CDH12: variants seen among roughly 807,000 people sequenced by gnomAD.
The protein encoded by CDH12 is cadherin-12.
A neutral mutation model predicts 74.1 loss-of-function variants in CDH12; 41 were observed. That is an observed-to-expected ratio of 0.55 (90% CI 0.43 to 0.72). The LOEUF is 0.72. CDH12 is among the 30% of genes least tolerant of loss of function. CDH12 has a pLI of 0.00. For synonymous variants in CDH12, 399 were observed against 355.0 expected (o/e 1.12, Z -1.39); for missense variants, 945 against 977.2 (o/e 0.97, Z 0.44).
intron 6 of CDH12, chr5:21,882,491 A>G (rs1198280389): frequency 4.2e-6 from 3 of 709,918 alleles, no homozygotes; most frequent in Non-Finnish European, 7.6e-6. Context: ...TGCCACATTT[A>G]TTTGCTTTTT....
chr5:22,004,409 G>A (rs938450554), intron 5 of CDH12, among the ~76,000 whole-genome samples: 5 of 151,980 alleles, frequency 3.3e-5, no homozygotes, highest in Non-Finnish European at 7.4e-5. Flanking sequence ...TAAATCCTTG[G>A]AGTGGCCTTC....
At chr5:22,373,848 G>A (rs893253645) in intron 3 of CDH12, among the ~76,000 whole-genome samples, 3 of 152,116 alleles carry the variant, frequency 2.0e-5, no homozygotes, top group African/African-American at 7.2e-5. Context: ...CAACAGATGT[G>A]CAGACATCAA....
chr5:22,044,700 C>G (rs1280271299), intron 5 of CDH12, among the ~76,000 whole-genome samples: 2 of 152,144 alleles, frequency 1.3e-5, no homozygotes, highest in East Asian at 3.8e-4. Flanking sequence ...GCCAAAAACA[C>G]ACATTGCAGA....
intron 4 of CDH12, among the ~76,000 whole-genome samples, chr5:22,135,609 T>C (rs1426898564): frequency 2.0e-5 from 3 of 152,022 alleles, no homozygotes; most frequent in Admixed American, 2.0e-4. Flanking sequence ...TCAGGGCATA[T>C]ATTCAGACCG....
intron 3 of CDH12, among the ~76,000 whole-genome samples, chr5:22,269,324 A>T (rs1410506965): frequency 6.6e-6 from 1 of 152,140 alleles, no homozygotes; most frequent in Non-Finnish European, 1.5e-5. Flanking sequence ...ATCCATTGTT[A>T]TCAGTAGCTA....
At chr5:22,020,747 C>A (rs909341678) in intron 5 of CDH12, among the ~76,000 whole-genome samples, 1 of 152,026 alleles carries the variant, frequency 6.6e-6, no homozygotes, top group African/African-American at 2.4e-5. Context: ...ATTGAGTTAT[C>A]CCCCCTCTCA....
chr5:22,532,665 T>C (rs1413060668), intron 1 of CDH12, among the ~76,000 whole-genome samples: 3 of 151,826 alleles, frequency 2.0e-5, no homozygotes, highest in African/African-American at 7.3e-5. Context: ...CTTAACTTTT[T>C]TGATGACTTT....
intron 2 of CDH12, among the ~76,000 whole-genome samples, chr5:22,449,783 G>A (rs1458745933): frequency 1.3e-5 from 2 of 151,916 alleles, no homozygotes; most frequent in Non-Finnish European, 2.9e-5. Flanking sequence ...TAGACAATAT[G>A]GAATATAAAT....
At chr5:22,623,927 A>T (rs1382420010) in intron 1 of CDH12, among the ~76,000 whole-genome samples, 2 of 152,240 alleles carry the variant, frequency 1.3e-5, no homozygotes, top group East Asian at 3.9e-4. Flanking sequence ...CTACAAGGCT[A>T]CAGTAAACAA....
At chr5:22,444,379 T>A (rs1744739237) in intron 2 of CDH12, among the ~76,000 whole-genome samples, 1 of 152,110 alleles carries the variant, frequency 6.6e-6, no homozygotes, top group Non-Finnish European at 1.5e-5. Flanking sequence ...TGTAGTTGTC[T>A]AATTAAGCTA....
chr5:22,003,695 G>A (rs1214406229), intron 5 of CDH12, among the ~76,000 whole-genome samples: 1 of 151,842 alleles, frequency 6.6e-6, no homozygotes, highest in Non-Finnish European at 1.5e-5. Flanking sequence ...AGAAAGTGGA[G>A]AAAAAGCACA....
chr5:21,889,915 C>A (rs1752820537), intron 6 of CDH12: 1 of 874,594 alleles, frequency 1.1e-6, no homozygotes, highest in Non-Finnish European at 1.4e-6. Flanking sequence ...CAATGTTTGA[C>A]TTTTATTGCT....
At chr5:22,157,328 TTTG>T (rs2150315997) in intron 4 of CDH12, among the ~76,000 whole-genome samples, 1 of 145,216 alleles carries the variant, frequency 6.9e-6, no homozygotes, top group Admixed American at 7.0e-5. Flanking sequence ...GAAGAGTAAT[TTTG>T]TAGGTGTTCT....
chr5:22,449,829 A>T (rs1294910180), intron 2 of CDH12, among the ~76,000 whole-genome samples: 1 of 152,030 alleles, frequency 6.6e-6, no homozygotes, highest in Non-Finnish European at 1.5e-5. Context: ...ACAGCATCAT[A>T]CTGGAGAAGA....
At chr5:22,288,531 A>C (rs529567164) in intron 3 of CDH12, among the ~76,000 whole-genome samples, 1 of 152,260 alleles carries the variant, frequency 6.6e-6, no homozygotes, top group Admixed American at 6.5e-5. Flanking sequence ...CTTTATTATT[A>C]AAGTTAGCAA....
chr5:22,774,321 C>T lies in CDH12; in HGVS notation c.-523+78737G>A, dbSNP rs182694637. On this transcript the variant is annotated intron_variant, in intron 1 of 14. Coordinates refer to ENST00000382254, the MANE Select transcript of CDH12 (RefSeq NM_004061.5). The stretch of plus-strand genomic sequence containing the variant: ...TAAAAACATGAAATCATGTCTTTTA[C>T]AGCAACATGGATGCAGCTGGAGGCC... Among the ~76,000 whole-genome samples, 43 of 152,216 alleles carry T rather than the reference C, an allele frequency of 2.8e-4. 1 individual carries two copies. The highest frequency in any genetic ancestry group is 9.1e-4 in the African/African-American group (38 of 41,554).
At chr5:22,238,308 C>T (rs1288077955) in intron 3 of CDH12, among the ~76,000 whole-genome samples, 1 of 152,168 alleles carries the variant, frequency 6.6e-6, no homozygotes, top group East Asian at 1.9e-4. Flanking sequence ...ACTGAGTTTT[C>T]TTGGAGGAAC....
chr5:21,823,439 T>C (rs926860796), intron 8 of CDH12, among the ~76,000 whole-genome samples: 2 of 152,116 alleles, frequency 1.3e-5, no homozygotes, highest in Non-Finnish European at 2.9e-5. Flanking sequence ...ATAGCCTATA[T>C]AGCTTGGCCA....
At chr5:22,694,582 A>G (rs1485762831) in intron 1 of CDH12, among the ~76,000 whole-genome samples, 1 of 152,034 alleles carries the variant, frequency 6.6e-6, no homozygotes, top group Non-Finnish European at 1.5e-5. Flanking sequence ...ATTTTTTTAC[A>G]AGAGTATTTC....
Sources: gnomAD v4.1 joint callset for allele counts (sites outside exome capture counted in the v4.1 genomes callset) on GRCh38, gnomAD v4.1.1 for gene constraint, MANE v1.5 for transcripts, NCBI Gene and HGNC (gene_info 2026-07-23, HGNC 2026-07-21) for gene names.